The following PEAK1 variants were observed in gnomAD, a reference collection of about 807,000 sequenced individuals.
PEAK1 encodes the protein pseudopodium enriched atypical kinase 1, also known as inactive tyrosine-protein kinase PEAK1.
In PEAK1, 54 loss-of-function variants were observed where a neutral mutation model predicts 124.7. That is an observed-to-expected ratio of 0.43 (90% CI 0.35 to 0.54). The LOEUF is 0.54. Among genes scored for constraint, PEAK1 ranks in the 20% least tolerant of loss-of-function variants. PEAK1 has a pLI of 0.01. For synonymous variants in PEAK1, 719 were observed against 760.0 expected, an observed-to-expected ratio of 0.95 and a Z score of 0.89; for missense variants, 2,046 against 2,134.5, an observed-to-expected ratio of 0.96 and a Z score of 0.82.
chr15:77,213,064 T>C (rs937489717), intron 6 of PEAK1, among the ~76,000 whole-genome samples: 2 of 152,174 alleles, frequency 1.3e-5, no homozygotes, highest in African/African-American at 4.8e-5. Context: ...TTCCCTAAGA[T>C]GAATGTATTC....
At chr15:77,148,765 A>G (rs2054354818) in intron 8 of PEAK1, among the ~76,000 whole-genome samples, 1 of 151,682 alleles carries the variant, frequency 6.6e-6, no homozygotes, top group African/African-American at 2.4e-5. Flanking sequence ...AAAAAAAAAA[A>G]TTAAAAAATT....
At chr15:77,256,656 C>A (rs1330749546) in intron 5 of PEAK1, among the ~76,000 whole-genome samples, 1 of 151,114 alleles carries the variant, frequency 6.6e-6, no homozygotes, top group East Asian at 1.9e-4. Flanking sequence ...ATGTCATGGT[C>A]CATAAATAAA....
chr15:77,221,014 G>A (rs117898365), intron 6 of PEAK1, among the ~76,000 whole-genome samples: 2 of 152,236 alleles, frequency 1.3e-5, no homozygotes, highest in Admixed American at 6.5e-5. Flanking sequence ...GGAAATGTAT[G>A]TCTTCCAAGT....
At chr15:77,176,221 G>A (rs1430539041) in intron 7 of PEAK1, among the ~76,000 whole-genome samples, 47 of 141,128 alleles carry the variant, frequency 3.3e-4, no homozygotes, top group Non-Finnish European at 5.4e-4. Flanking sequence ...CCTGCACATT[G>A]TGCACATGTA....
rs765376442 is a variant in PEAK1 at position 77,114,793 on chromosome 15, C to G, written c.4604G>C (p.Gly1535Ala). The change falls in exon 10 of 10, where the codon GGC becomes GCC. Residue 1535 changes from glycine (G) to alanine (A), a missense_variant. Gly to Ala is a moderately conservative substitution (Grantham distance 60, BLOSUM62 0). Transcript: ENST00000682557. ...VHYQPGGTAQ[G>A]FGPAEPSPTS... ...GGGGCTGGGCTCTGCAGGCCCAAAG[C>G]CTTGGGCAGTCCCCCCAGGCTGGTA... The G allele has an allele frequency of 6.2e-7, 1 of 1,613,146 alleles. No individual in the cohort carries two copies. Among genetic ancestry groups the G allele is most frequent in the African/African-American group, 1.3e-5 (1 of 74,978 alleles).
intron 5 of PEAK1, among the ~76,000 whole-genome samples, chr15:77,265,664 T>C (rs2061684259): frequency 6.6e-6 from 1 of 152,012 alleles, no homozygotes; most frequent in African/African-American, 2.4e-5. Context: ...GGTGGGACTG[T>C]AAACTAGTTC....
chr15:77,349,224 A>T (rs937967666), intron 2 of PEAK1: 8 of 427,362 alleles, frequency 1.9e-5, no homozygotes, highest in Non-Finnish European at 2.5e-5. Context: ...TATTTTTAGT[A>T]GAGACGGGGT....
At chr15:77,265,233 A>G (rs534254361) in intron 5 of PEAK1, among the ~76,000 whole-genome samples, 2 of 152,350 alleles carry the variant, frequency 1.3e-5, no homozygotes, top group East Asian at 3.9e-4. Context: ...AGCAATGGCA[A>G]CAAAAGCCAA....
chr15:77,342,576 T>C (rs1437970351), intron 2 of PEAK1, among the ~76,000 whole-genome samples: 1 of 152,060 alleles, frequency 6.6e-6, no homozygotes, highest in Non-Finnish European at 1.5e-5. Flanking sequence ...TGGCTAATTT[T>C]TAAAAATTTT....
intron 1 of PEAK1, among the ~76,000 whole-genome samples, chr15:77,393,703 T>G (rs775255951): frequency 1.3e-5 from 2 of 152,106 alleles, no homozygotes; most frequent in Non-Finnish European, 2.9e-5. Flanking sequence ...CATTCCCAGC[T>G]GTGGTAGCTA....
At chr15:77,303,715 G>A (rs1406979354) in intron 2 of PEAK1, among the ~76,000 whole-genome samples, 1 of 152,070 alleles carries the variant, frequency 6.6e-6, no homozygotes, top group African/African-American at 2.4e-5. Flanking sequence ...TTTTAATAGA[G>A]TATTTCACAG....
At chr15:77,258,375 C>A (rs1214561985) in intron 5 of PEAK1, among the ~76,000 whole-genome samples, 2 of 152,060 alleles carry the variant, frequency 1.3e-5, no homozygotes, top group Non-Finnish European at 2.9e-5. Flanking sequence ...AATGTTCTTC[C>A]ATTTGTTGGT....
chr15:77,408,570 T>C (rs1317113977), intron 1 of PEAK1, among the ~76,000 whole-genome samples: 1 of 152,050 alleles, frequency 6.6e-6, no homozygotes, highest in Admixed American at 6.6e-5. Flanking sequence ...GGAATACTGC[T>C]GCAGAAACAG....
chr15:77,281,754 T>C (rs890293940), intron 5 of PEAK1, among the ~76,000 whole-genome samples: 2 of 152,174 alleles, frequency 1.3e-5, no homozygotes, highest in Non-Finnish European at 2.9e-5. Context: ...AAACGTGGCA[T>C]ACATAAGCTA....
At chr15:77,173,629 C>A (rs1328119988) in intron 7 of PEAK1, among the ~76,000 whole-genome samples, 2 of 152,166 alleles carry the variant, frequency 1.3e-5, no homozygotes, top group Non-Finnish European at 2.9e-5. Flanking sequence ...CCACCTCACC[C>A]AAAAGCCTCT....
chr15:77,372,119 T>C (rs1259717874), intron 1 of PEAK1, among the ~76,000 whole-genome samples: 2 of 152,340 alleles, frequency 1.3e-5, no homozygotes, highest in Admixed American at 1.3e-4. Flanking sequence ...AGTTCTCTGA[T>C]ACGAGAAGAG....
Position 77,114,259 on chromosome 15 carries a change from C to T in PEAK1, c.5138G>A (p.Arg1713Lys). The change falls in exon 10 of 10, where the codon AGG (arginine) becomes AAG (lysine). Residue 1713 changes from arginine to lysine, a missense_variant. Physicochemically the swap from Arg to Lys is conservative, Grantham distance 26 (BLOSUM62 2). Coordinates refer to ENST00000682557, the MANE Select transcript of PEAK1 (RefSeq NM_001385026.1). ...GTCCTCAAGGCTGATTCCACCTTCC[C>T]TGTCCAGGGACTTCTCAGCAAACTT... ...MIKFAEKSLD[R>K]EGGISLEDWL... The T allele has an allele frequency of 6.2e-7, 1 of 1,614,254 alleles. No individual in the cohort carries two copies. The highest frequency in any genetic ancestry group is 8.5e-7 in the Non-Finnish European group (1 of 1,180,052).
At chr15:77,213,012 A>G (rs1014529789) in intron 6 of PEAK1, among the ~76,000 whole-genome samples, 1 of 152,194 alleles carries the variant, frequency 6.6e-6, no homozygotes, top group African/African-American at 2.4e-5. Context: ...TGAAATCTGA[A>G]AAAAAAATCT....
chr15:77,418,144 T>C (rs900856278), intron 1 of PEAK1: 1 of 984,142 alleles, frequency 1.0e-6, no homozygotes, highest in Non-Finnish European at 1.2e-6. Flanking sequence ...TTCTGTATAC[T>C]ATCAACTGGA....
Sources: allele counts gnomAD v4.1 joint callset (sites outside exome capture counted in the v4.1 genomes callset), GRCh38; gene constraint gnomAD v4.1.1; transcripts MANE v1.5; gene names NCBI Gene and HGNC (gene_info 2026-07-23, HGNC 2026-07-21).